The following CNKSR2 variants were observed in gnomAD, a reference collection of about 807,000 sequenced individuals.
The protein encoded by CNKSR2 is connector enhancer of kinase suppressor of Ras 2.
Under a neutral mutation model 84.4 loss-of-function variants are expected in CNKSR2, and 14 were observed. The observed-to-expected ratio is 0.17, with a 90% confidence interval of 0.11 to 0.26. CNKSR2 has a LOEUF of 0.26. Among genes scored for constraint, CNKSR2 ranks in the 10% least tolerant of loss-of-function variants. The probability of loss-of-function intolerance (pLI) is 1.00; values close to 1 mark genes in which losing one functional copy is unlikely to be tolerated. For synonymous variants in CNKSR2, 275 were observed against 277.9 expected (o/e 0.99, Z 0.10); for missense variants, 485 against 771.2 (o/e 0.63, Z 4.40).
intron 20 of CNKSR2, among the ~76,000 whole-genome samples, chrX:21,637,975 C>A (rs748277449): frequency 2.7e-5 from 3 of 111,030 alleles, no homozygotes; most frequent in Non-Finnish European, 5.7e-5. Context: ...CTTGGCTTTG[C>A]CCTTAAATTT....
At chrX:21,590,812 A>G (rs1415787563) in intron 14 of CNKSR2, 192 bp downstream of exon 14, 34 of 469,835 alleles carry the variant, frequency 7.2e-5, no homozygotes, top group Non-Finnish European at 1.1e-4. Context: ...AATGATCTCA[A>G]TAAGTTTTGA....
intron 1 of CNKSR2, among the ~76,000 whole-genome samples, chrX:21,388,045 G>A (rs768688778): frequency 3.6e-5 from 4 of 109,944 alleles, no homozygotes; most frequent in East Asian, 5.7e-4. Flanking sequence ...GACTACAGGC[G>A]CCCGCCATCA....
rs755200292 is a variant in CNKSR2 at position 21,426,540 on chromosome X, G to A, written c.108G>A (p.Arg36=). The change falls in exon 2 of 22, where the codon AGG becomes AGA. Residue 36 remains arginine, a synonymous_variant. Coordinates refer to ENST00000379510, the MANE Select transcript of CNKSR2 (RefSeq NM_014927.5). ...CLQQYIKNFE[R]EKISGDQLLR... ...AGCAGTATATTAAGAACTTTGAGAGGGAGAAGATCAGTGGGGACCAGCTGC... is the reference window on the plus strand; with the variant it reads ...AGCAGTATATTAAGAACTTTGAGAGAGAGAAGATCAGTGGGGACCAGCTGC... The A allele has an allele frequency of 7.5e-6, 9 of 1,207,243 alleles. No individual in the cohort carries two copies. In the East Asian group the frequency reaches 2.7e-4, roughly 36 times the overall value.
chrX:21,417,706 T>C (rs753618296), intron 1 of CNKSR2, among the ~76,000 whole-genome samples: 3 of 112,038 alleles, frequency 2.7e-5, no homozygotes, highest in East Asian at 5.6e-4. Context: ...TTTCCTGATA[T>C]GAGTATAGCT....
At chrX:21,433,288 T>G (rs957621125) in intron 3 of CNKSR2, among the ~76,000 whole-genome samples, 4 of 111,550 alleles carry the variant, frequency 3.6e-5, no homozygotes, top group African/African-American at 1.3e-4. Context: ...TTAATTACAT[T>G]GTACTATTTT....
intron 1 of CNKSR2, among the ~76,000 whole-genome samples, chrX:21,382,531 A>G: frequency 9.0e-6 from 1 of 111,122 alleles, no homozygotes; most frequent in South Asian, 3.8e-4. Flanking sequence ...CTTAGAATGC[A>G]TGATGGAGTG....
chrX:21,512,349 T>G (rs2091681422), intron 8 of CNKSR2, among the ~76,000 whole-genome samples: 1 of 111,484 alleles, frequency 9.0e-6, no homozygotes, highest in Non-Finnish European at 1.9e-5. Context: ...AACTCAGCAT[T>G]CTTTTAACAA....
rs762613320 is a variant in CNKSR2, at chrX:21,575,036, G to A, written c.1608+11584G>A. ...ACCCAACAGTACTTACAGAGTAATC[G>A]TCTATTGGTATACCTAGTTATTTTT... On this transcript the variant is annotated intron_variant, in intron 13 of 21. Coordinates refer to ENST00000379510, the MANE Select transcript of CNKSR2 (RefSeq NM_014927.5). 2.2e-4 allele frequency among the ~76,000 whole-genome samples: 24 copies of A among 110,864 alleles called. 1 individual carries two copies. In the East Asian group the frequency reaches 4.5e-3, roughly 21 times the overall value.
chrX:21,501,532 C>A lies in CNKSR2; in HGVS notation c.754C>A (p.Arg252=). 2 of 1,148,413 alleles carry A rather than the reference C, an allele frequency of 1.7e-6. No homozygotes were observed. Among genetic ancestry groups the A allele is most frequent in the South Asian group, 2.0e-5 (1 of 49,883 alleles). The allele number at this position is 1,148,413 out of a possible 1,213,427, so 94.6% of individuals were successfully genotyped here. A position where few individuals can be genotyped will look rare whatever the true frequency, so the allele number is the denominator to read the frequency against. The stretch of plus-strand genomic sequence containing the variant: ...ATATTAAATTCAGTCACCTGCAGAT[C>A]GGTGCAAGAAAATCCATGCTGGCGA... The part of the protein sequence containing the change: ...TGTTENSPAD[R]CKKIHAGDEV... The change falls in exon 8 of 22, where the codon CGG becomes AGG. Residue 252 remains arginine (R), a synonymous_variant. Coordinates refer to ENST00000379510, the MANE Select transcript of CNKSR2 (RefSeq NM_014927.5).
chrX:21,389,702 T>G (rs1026380007), intron 1 of CNKSR2, among the ~76,000 whole-genome samples: 1 of 112,372 alleles, frequency 8.9e-6, no homozygotes, highest in Non-Finnish European at 1.9e-5. Flanking sequence ...GTACTACTCA[T>G]AATTCTCAAA....
Position 21,503,462 on chromosome X carries a change from A to T in CNKSR2, c.810+1874A>T, listed in dbSNP as rs188446525. ...TTACATATTTTATTTCATTTAGTCC[A>T]TGCAATAATCCTGCAAATAAGGTAT... is the stretch of plus-strand genomic sequence containing the variant. On this transcript the variant is annotated intron_variant, in intron 8 of 21. Coordinates refer to ENST00000379510, the MANE Select transcript of CNKSR2 (RefSeq NM_014927.5). 7 of 275,361 alleles carry T rather than the reference A, an allele frequency of 2.5e-5. No homozygotes were observed. In the Admixed American group the frequency reaches 2.6e-4, roughly 10 times the overall value. The allele number at this position is 275,361 out of a possible 1,213,427, so 22.7% of individuals were successfully genotyped here.
chrX:21,486,168 G>A (rs1476033880), intron 5 of CNKSR2, among the ~76,000 whole-genome samples: 1 of 111,850 alleles, frequency 8.9e-6, no homozygotes, highest in African/African-American at 3.2e-5. Flanking sequence ...TATGAATATT[G>A]CGAAAATAGC....
intron 1 of CNKSR2, among the ~76,000 whole-genome samples, chrX:21,418,112 T>A (rs1267862279): frequency 9.0e-6 from 1 of 111,694 alleles, no homozygotes; most frequent in Non-Finnish European, 1.9e-5. Context: ...TTTAAGCTGA[T>A]GAGAACTTAA....
intron 13 of CNKSR2, among the ~76,000 whole-genome samples, chrX:21,572,043 C>T (rs770262574): frequency 8.9e-6 from 1 of 112,417 alleles, no homozygotes; most frequent in Non-Finnish European, 1.9e-5. Context: ...TACAACAGTA[C>T]ACTAAATATT....
At chrX:21,507,297 C>T (rs12006893) in intron 8 of CNKSR2, among the ~76,000 whole-genome samples, 3,253 of 111,119 alleles carry the variant, frequency 0.029, 121 homozygotes, top group African/African-American at 0.1. Context: ...ATTACTTTTA[C>T]ATTTCCTCTC....
At chrX:21,563,037 A>T (rs2092205778) in intron 12 of CNKSR2, among the ~76,000 whole-genome samples, 1 of 111,755 alleles carries the variant, frequency 8.9e-6, no homozygotes, top group Non-Finnish European at 1.9e-5. Flanking sequence ...ATTTCACTAC[A>T]TATTTTATAA....
chrX:21,413,328 A>G (rs1230121693), intron 1 of CNKSR2, among the ~76,000 whole-genome samples: 1 of 111,058 alleles, frequency 9.0e-6, no homozygotes, highest in African/African-American at 3.3e-5. Context: ...TTTTATGGGT[A>G]CATAGTAGGT....
chrX:21,622,969 T>A (rs1004122619), intron 20 of CNKSR2, among the ~76,000 whole-genome samples: 7 of 111,673 alleles, frequency 6.3e-5, no homozygotes, highest in African/African-American at 2.3e-4. Context: ...ACAATATTTT[T>A]AAGCCTGTGT....
intron 5 of CNKSR2, among the ~76,000 whole-genome samples, chrX:21,471,656 A>G (rs769265343): frequency 2.1e-4 from 24 of 112,448 alleles, no homozygotes; most frequent in Admixed American, 1.3e-3. Context: ...ATTACTTCAG[A>G]ATATCAGCAG....
Sources: allele counts gnomAD v4.1 joint callset (sites outside exome capture counted in the v4.1 genomes callset), GRCh38; gene constraint gnomAD v4.1.1; transcripts MANE v1.5; gene names NCBI Gene and HGNC (gene_info 2026-07-23, HGNC 2026-07-21).